The following AFG1L variants were observed in gnomAD, a reference collection of about 807,000 sequenced individuals.
The protein encoded by AFG1L is AFG1 like ATPase.
Under a neutral mutation model 62.2 loss-of-function variants are expected in AFG1L, and 53 were observed. The observed-to-expected ratio is 0.85, with a 90% confidence interval of 0.68 to 1.07. The LOEUF is 1.07. Ranked by LOEUF, AFG1L falls within the 50% of genes least tolerant of loss-of-function variation. The probability of loss-of-function intolerance (pLI) is 0.00; values close to 1 mark genes in which losing one functional copy is unlikely to be tolerated. For missense variants in AFG1L, 555 were observed against 590.5 expected (o/e 0.94, Z 0.62); for synonymous variants, 228 against 210.3 (o/e 1.08, Z -0.73).
intron 2 of AFG1L, among the ~76,000 whole-genome samples, chr6:108,338,458 C>CTA (rs1778552132): frequency 6.6e-6 from 1 of 152,138 alleles, no homozygotes; most frequent in Non-Finnish European, 1.5e-5. Context: ...ATCAAAGACT[C>CTA]TGAGAAATTC....
At chr6:108,419,218 G>T (rs1770477094) in intron 7 of AFG1L, among the ~76,000 whole-genome samples, 1 of 152,076 alleles carries the variant, frequency 6.6e-6, no homozygotes, top group Non-Finnish European at 1.5e-5. Flanking sequence ...CTCCCCAGGG[G>T]AAATGTTCCT....
intron 7 of AFG1L, among the ~76,000 whole-genome samples, chr6:108,445,678 G>GAGAGAGAGAGAGAGAGAGAGAGAGAA (rs1771750961): frequency 6.9e-6 from 1 of 144,750 alleles, no homozygotes; most frequent in African/African-American, 2.6e-5. Context: ...GAGAGAGAGA[G>GAGAGAGAGAGAGAGAGAGAGAGAGAA]AGAAACAGCC....
At chr6:108,507,520 G>A (rs1774463845) in intron 10 of AFG1L, among the ~76,000 whole-genome samples, 1 of 152,166 alleles carries the variant, frequency 6.6e-6, no homozygotes, top group Non-Finnish European at 1.5e-5. Flanking sequence ...AGCTGAATGG[G>A]CAAAATTCTG....
chr6:108,401,932 T>G, intron 6 of AFG1L, 64 bp from the exon 7 acceptor site: 1 of 746,156 alleles, frequency 1.3e-6, no homozygotes, highest in East Asian at 2.9e-5. Context: ...TTTGCCAGGC[T>G]AAACGATAAA....
intron 2 of AFG1L, among the ~76,000 whole-genome samples, chr6:108,324,327 C>T (rs1313065597): frequency 6.6e-6 from 1 of 152,222 alleles, no homozygotes; most frequent in African/African-American, 2.4e-5. Context: ...TCCTCTAGCT[C>T]AGGCCTCATC....
intron 1 of AFG1L, among the ~76,000 whole-genome samples, chr6:108,298,432 A>G (rs1280668527): frequency 6.6e-6 from 1 of 151,488 alleles, no homozygotes; most frequent in Admixed American, 6.6e-5. Context: ...CACCCAACTA[A>G]TTTTCGTATT....
At chr6:108,391,156 A>G (rs1490064317) in intron 6 of AFG1L, among the ~76,000 whole-genome samples, 2 of 152,210 alleles carry the variant, frequency 1.3e-5, no homozygotes, top group Non-Finnish European at 2.9e-5. Context: ...TAGATACCCA[A>G]GAGTGGGATT....
intron 7 of AFG1L, among the ~76,000 whole-genome samples, chr6:108,411,219 AT>A (rs1782094420): frequency 6.6e-6 from 1 of 152,208 alleles, no homozygotes; most frequent in Admixed American, 6.5e-5. Flanking sequence ...GGGGAGGGGC[AT>A]CTGCCATTGC....
chr6:108,519,323 G>A (rs1775030890), intron 11 of AFG1L, among the ~76,000 whole-genome samples: 1 of 152,214 alleles, frequency 6.6e-6, no homozygotes, highest in African/African-American at 2.4e-5. Context: ...TGTGGAGTAA[G>A]TTTCAGCATG....
intron 6 of AFG1L, among the ~76,000 whole-genome samples, chr6:108,376,252 C>A (rs1207346099): frequency 6.6e-6 from 1 of 152,018 alleles, no homozygotes; most frequent in Non-Finnish European, 1.5e-5. Flanking sequence ...TTTATCCTTT[C>A]AAAGAACCAA....
chr6:108,500,171 C>CGTGTGTGTGTGTGTGTGT (rs61654685), intron 10 of AFG1L, among the ~76,000 whole-genome samples: 7 of 135,140 alleles, frequency 5.2e-5, no homozygotes, highest in South Asian at 2.5e-4. Context: ...ATGGTGCGTG[C>CGTGTGTGTGTGTGTGTGT]GTGTGTGTGT....
chr6:108,329,606 A>G (rs1778193953), intron 2 of AFG1L, among the ~76,000 whole-genome samples: 1 of 152,120 alleles, frequency 6.6e-6, no homozygotes, highest in Non-Finnish European at 1.5e-5. Context: ...GCCCCACTAA[A>G]TCTTTAAAAT....
chr6:108,442,787 A>T (rs2114739651), intron 7 of AFG1L, among the ~76,000 whole-genome samples: 1 of 152,260 alleles, frequency 6.6e-6, no homozygotes, highest in East Asian at 1.9e-4. Context: ...GGATTGTCCT[A>T]GTGTTAGCAC....
At chr6:108,427,177 A>T (rs897808462) in intron 7 of AFG1L, among the ~76,000 whole-genome samples, 1 of 151,994 alleles carries the variant, frequency 6.6e-6, no homozygotes, top group Non-Finnish European at 1.5e-5. Flanking sequence ...ATCATAGCTC[A>T]CTACAGACTC....
intron 2 of AFG1L, among the ~76,000 whole-genome samples, chr6:108,327,758 A>G (rs1778110622): frequency 6.6e-6 from 1 of 152,124 alleles, no homozygotes; most frequent in South Asian, 2.1e-4. Flanking sequence ...GTCTGCTTCC[A>G]CTTCTGTTCA....
chr6:108,457,260 A>G (rs1772286365), intron 8 of AFG1L, among the ~76,000 whole-genome samples: 1 of 151,076 alleles, frequency 6.6e-6, no homozygotes, highest in Admixed American at 6.6e-5. Flanking sequence ...CTTTTTTCCA[A>G]TTTCCCCCTT....
intron 1 of AFG1L, among the ~76,000 whole-genome samples, chr6:108,295,580 A>T (rs1316163014): frequency 2.0e-5 from 3 of 151,990 alleles, no homozygotes; most frequent in Non-Finnish European, 4.4e-5. Context: ...GGGGCTGGTG[A>T]CTGACGGGCA....
chr6:108,396,769 G>C (rs902736410), intron 6 of AFG1L, among the ~76,000 whole-genome samples: 3 of 152,070 alleles, frequency 2.0e-5, no homozygotes, highest in Non-Finnish European at 4.4e-5. Flanking sequence ...GGGATTACAG[G>C]CTTGAGCCAC....
chr6:108,304,673 A>G (rs975369407), intron 1 of AFG1L, among the ~76,000 whole-genome samples: 2 of 152,250 alleles, frequency 1.3e-5, no homozygotes, highest in African/African-American at 2.4e-5. Flanking sequence ...TTCTCACAGC[A>G]GTTGGGTAAA....
Sources: gnomAD v4.1 joint callset for allele counts (sites outside exome capture counted in the v4.1 genomes callset) on GRCh38, gnomAD v4.1.1 for gene constraint, MANE v1.5 for transcripts, NCBI Gene and HGNC (gene_info 2026-07-23, HGNC 2026-07-21) for gene names.